The following CSMD1 variants were observed in gnomAD, a reference collection of about 807,000 sequenced individuals.
CSMD1 encodes CUB and Sushi multiple domains 1.
A neutral mutation model predicts 417.5 loss-of-function variants in CSMD1; 213 were observed. The ratio of observed to expected loss-of-function variants is 0.51; its 90% CI spans 0.46 to 0.57. The LOEUF (loss-of-function observed/expected upper bound fraction) is 0.57. Ranked by LOEUF, CSMD1 falls within the 20% of genes least tolerant of loss-of-function variation. The pLI is 0.00. For synonymous variants in CSMD1, 2,862 were observed against 1,736.8 expected (o/e 1.65, Z -16.11); for missense variants, 6,923 against 4,529.7 (o/e 1.53, Z -15.17).
chr8:3,186,854 A>G (rs965505712), intron 36 of CSMD1, among the ~76,000 whole-genome samples: 1 of 152,196 alleles, frequency 6.6e-6, no homozygotes, highest in African/African-American at 2.4e-5. Context: ...TTCATTGGTA[A>G]AACAGAGATA....
intron 1 of CSMD1, among the ~76,000 whole-genome samples, chr8:4,855,427 G>C (rs543231673): frequency 6.6e-6 from 1 of 152,270 alleles, no homozygotes; most frequent in Non-Finnish European, 1.5e-5. Flanking sequence ...TGACTTTGAC[G>C]AGCTGAGAGA....
At chr8:3,869,347 C>T (rs1019937423) in intron 5 of CSMD1, among the ~76,000 whole-genome samples, 9 of 152,130 alleles carry the variant, frequency 5.9e-5, no homozygotes, top group Admixed American at 6.6e-5. Flanking sequence ...ATACTATATC[C>T]TGTATAATAA....
intron 5 of CSMD1, among the ~76,000 whole-genome samples, chr8:3,850,730 C>A (rs2954227): frequency 1.3e-5 from 2 of 151,700 alleles, no homozygotes; most frequent in African/African-American, 2.4e-5. Context: ...AAAAATAAAA[C>A]AATAAAAAAA....
intron 3 of CSMD1, among the ~76,000 whole-genome samples, chr8:4,052,215 G>A (rs1020266268): frequency 1.1e-4 from 17 of 152,202 alleles, no homozygotes; most frequent in Admixed American, 2.6e-4. Flanking sequence ...ATGAGCCACC[G>A]TGCCCACCCA....
intron 2 of CSMD1, among the ~76,000 whole-genome samples, chr8:4,582,798 C>G (rs1279497220): frequency 2.0e-5 from 3 of 152,230 alleles, no homozygotes; most frequent in African/African-American, 4.8e-5. Context: ...GGCCGGAGCC[C>G]ACTCCCTCAG....
chr8:3,635,536 T>C (rs1270719357), intron 7 of CSMD1, among the ~76,000 whole-genome samples: 3 of 144,394 alleles, frequency 2.1e-5, no homozygotes, highest in Non-Finnish European at 4.5e-5. Flanking sequence ...CAGGCTGGAG[T>C]GCAGTGGCGC....
At chr8:3,932,416 T>C (rs1403225485) in intron 5 of CSMD1, among the ~76,000 whole-genome samples, 2 of 150,354 alleles carry the variant, frequency 1.3e-5, no homozygotes, top group Non-Finnish European at 3.0e-5. Flanking sequence ...TGCATTGACA[T>C]TTCTCATGGT....
At chr8:3,589,485 T>C (rs1174845728) in intron 8 of CSMD1, among the ~76,000 whole-genome samples, 1 of 152,022 alleles carries the variant, frequency 6.6e-6, no homozygotes, top group Non-Finnish European at 1.5e-5. Context: ...GACAACACAG[T>C]TGATCCTGGG....
chr8:3,282,112 T>A (rs1427603992), intron 26 of CSMD1, among the ~76,000 whole-genome samples: 2 of 152,198 alleles, frequency 1.3e-5, no homozygotes, highest in African/African-American at 4.8e-5. Context: ...CTTGATAAAT[T>A]ACCCAGTCTC....
intron 6 of CSMD1, among the ~76,000 whole-genome samples, chr8:3,709,291 A>G (rs1043657860): frequency 6.6e-6 from 1 of 152,084 alleles, no homozygotes; most frequent in African/African-American, 2.4e-5. Flanking sequence ...TGAGGTCCCC[A>G]TATGAGACTG....
At position 3,360,010 on chromosome 8, in the gene CSMD1, C is replaced by T. The variant is rs1809051221; in HGVS notation, c.3116-670G>A. ...CTTAAATTGGTTACTGTATCCCTCCCAAAGGTGCTTTTTGGTAACTAACGC... is the reference window on the plus strand; with the variant it reads ...CTTAAATTGGTTACTGTATCCCTCCTAAAGGTGCTTTTTGGTAACTAACGC... On this transcript the variant is annotated intron_variant, in intron 20 of 69. Transcript: ENST00000635120. Among the ~76,000 whole-genome samples the T allele has an allele frequency of 3.3e-5, 5 of 152,114 alleles. No homozygotes were observed. In the South Asian group the frequency reaches 1.0e-3, roughly 32 times the overall value.
intron 5 of CSMD1, among the ~76,000 whole-genome samples, chr8:3,797,189 C>G (rs1800201615): frequency 1.3e-5 from 2 of 151,812 alleles, no homozygotes; most frequent in Admixed American, 6.6e-5. Flanking sequence ...CTTGAAATGT[C>G]AAAGAACTTC....
chr8:4,464,594 G>T (rs539697772), intron 2 of CSMD1, among the ~76,000 whole-genome samples: 4 of 152,226 alleles, frequency 2.6e-5, no homozygotes, highest in African/African-American at 9.6e-5. Flanking sequence ...TCTACTGAAC[G>T]TGTTATTACT....
At chr8:3,572,421 G>A (rs2170480) in intron 10 of CSMD1, among the ~76,000 whole-genome samples, 42,517 of 151,970 alleles carry the variant, frequency 0.28, 7,430 homozygotes, top group Non-Finnish European at 0.38. Context: ...CAGACGCAGG[G>A]AGCTTCCTGG....
At chr8:3,428,707 A>T in intron 12 of CSMD1, among the ~76,000 whole-genome samples, 1 of 152,206 alleles carries the variant, frequency 6.6e-6, no homozygotes, top group East Asian at 1.9e-4. Flanking sequence ...TAGTGGGCAT[A>T]TACCCAACAG....
At chr8:4,097,806 G>C (rs1010526780) in intron 3 of CSMD1, among the ~76,000 whole-genome samples, 2 of 152,186 alleles carry the variant, frequency 1.3e-5, no homozygotes, top group African/African-American at 4.8e-5. Flanking sequence ...CAAATGCTGT[G>C]GGTGGGTTAT....
At chr8:4,365,457 G>T (rs1192423409) in intron 3 of CSMD1, among the ~76,000 whole-genome samples, 1 of 152,088 alleles carries the variant, frequency 6.6e-6, no homozygotes, top group African/African-American at 2.4e-5. Context: ...TTTTTAGATT[G>T]TCTGTTCTTT....
intron 4 of CSMD1, among the ~76,000 whole-genome samples, chr8:4,018,623 G>C (rs1404111875): frequency 6.6e-6 from 1 of 152,194 alleles, no homozygotes; most frequent in Non-Finnish European, 1.5e-5. Context: ...CAGGATTCAA[G>C]CACATGTTTC....
chr8:3,677,347 T>G lies in CSMD1; in HGVS notation c.1009+31067A>C, dbSNP rs73658206. The stretch of plus-strand genomic sequence containing the variant: ...ACCATCTATACCTTTTAAAAGTAAT[T>G]CTTGAATAAATAAGCAGTTATTTGC... On this transcript the variant is annotated intron_variant, in intron 7 of 69. Transcript: ENST00000635120. Among the ~76,000 whole-genome samples, 1,183 of 152,200 alleles carry G rather than the reference T, an allele frequency of 7.8e-3. 11 individuals are homozygous for G. Among genetic ancestry groups the G allele is most frequent in the African/African-American group, 0.027 (1,128 of 41,526 alleles).
Sources: allele counts gnomAD v4.1 joint callset (sites outside exome capture counted in the v4.1 genomes callset), GRCh38; gene constraint gnomAD v4.1.1; transcripts MANE v1.5; gene names NCBI Gene and HGNC (gene_info 2026-07-23, HGNC 2026-07-21).